Variants in CPNE4 observed in about 807,000 individuals in gnomAD.
CPNE4 encodes the protein copine-4.
CPNE4 carries 25 observed loss-of-function variants against 67.9 expected under a neutral mutation model. The ratio of observed to expected loss-of-function variants is 0.37; its 90% confidence interval spans 0.27 to 0.51. CPNE4 has a LOEUF of 0.51. CPNE4 is among the 20% of genes least tolerant of loss of function. The probability of loss-of-function intolerance (pLI) is 0.93; values close to 1 mark genes in which losing one functional copy is unlikely to be tolerated. For missense variants in CPNE4, 464 were observed against 690.8 expected, an observed-to-expected ratio of 0.67 and a Z score of 3.68; for synonymous variants, 242 against 244.9, an observed-to-expected ratio of 0.99 and a Z score of 0.11.
At chr3:131,655,655 G>A (rs975140033) in intron 7 of CPNE4, among the ~76,000 whole-genome samples, 2 of 152,108 alleles carry the variant, frequency 1.3e-5, no homozygotes, top group African/African-American at 2.4e-5. Flanking sequence ...GACGTCGGGG[G>A]GCAGGGGGGT....
intron 10 of CPNE4, among the ~76,000 whole-genome samples, chr3:131,573,540 G>C (rs1441160960): frequency 1.3e-5 from 2 of 152,070 alleles, no homozygotes; most frequent in African/African-American, 4.8e-5. Flanking sequence ...CCTGAAGGTT[G>C]AATACAGAGT....
At chr3:131,933,680 C>T (rs550943690) in intron 1 of CPNE4, among the ~76,000 whole-genome samples, 2 of 151,420 alleles carry the variant, frequency 1.3e-5, no homozygotes, top group Non-Finnish European at 2.9e-5. Flanking sequence ...TATATATACA[C>T]AATGGGATAC....
intron 10 of CPNE4, among the ~76,000 whole-genome samples, chr3:131,569,683 G>GAAGA (rs1193909995): frequency 3.5e-4 from 52 of 150,498 alleles, no homozygotes; most frequent in African/African-American, 8.0e-4. Context: ...AAGAAGAAAG[G>GAAGA]AAGAAAGAAA....
chr3:132,003,367 G>T (rs1214809640), intron 1 of CPNE4, among the ~76,000 whole-genome samples: 3 of 151,976 alleles, frequency 2.0e-5, no homozygotes, highest in Admixed American at 2.0e-4. Context: ...TAAGCTGTAG[G>T]TCTAATCAGC....
intron 1 of CPNE4, among the ~76,000 whole-genome samples, chr3:131,947,743 T>C (rs1560654151): frequency 6.6e-6 from 1 of 152,198 alleles, no homozygotes; most frequent in Non-Finnish European, 1.5e-5. Flanking sequence ...ATCCTTTGGG[T>C]ATATATCCAG....
chr3:131,601,365 C>A lies in CPNE4; in HGVS notation c.682-13783G>T, dbSNP rs1188485081. 2.0e-5 allele frequency among the ~76,000 whole-genome samples: 3 copies of A among 152,104 alleles called. No homozygotes were observed. In the East Asian group the frequency reaches 5.8e-4, roughly 29 times the overall value. On this transcript the variant is annotated intron_variant, in intron 7 of 15. Transcript: ENST00000429747. ...ATAAAAATGCAAGACAGTTTCATCC[C>A]TCAAGATGCTGATGATATAGTGCAG... is the stretch of plus-strand genomic sequence containing the variant.
At chr3:131,658,104 A>G (rs1223785929) in intron 7 of CPNE4, among the ~76,000 whole-genome samples, 6 of 151,316 alleles carry the variant, frequency 4.0e-5, no homozygotes, top group Non-Finnish European at 7.4e-5. Context: ...AGTTCTTGCC[A>G]AATTTATTTA....
chr3:131,838,926 A>G (rs2108013396), intron 2 of CPNE4, among the ~76,000 whole-genome samples: 1 of 152,000 alleles, frequency 6.6e-6, no homozygotes, highest in South Asian at 2.1e-4. Context: ...GTTTTCTTAG[A>G]CCAAATAAAA....
chr3:131,802,622 C>A (rs116585306), intron 2 of CPNE4, among the ~76,000 whole-genome samples: 5,640 of 152,250 alleles, frequency 0.037, 153 homozygotes, highest in Admixed American at 0.052. Flanking sequence ...TCACAATGCA[C>A]TGAATTTCTC....
At chr3:131,706,915 C>T (rs925554903) in intron 3 of CPNE4, among the ~76,000 whole-genome samples, 1 of 152,154 alleles carries the variant, frequency 6.6e-6, no homozygotes, top group Admixed American at 6.5e-5. Flanking sequence ...AGTTGTCTCA[C>T]CTTTCCAGAC....
intron 2 of CPNE4, among the ~76,000 whole-genome samples, chr3:131,822,275 G>T (rs1289121181): frequency 6.6e-6 from 1 of 151,988 alleles, no homozygotes; most frequent in Non-Finnish European, 1.5e-5. Flanking sequence ...TTTGAAATTT[G>T]GTTCTTTGTC....
chr3:131,873,905 A>C (rs1243709807), intron 2 of CPNE4, among the ~76,000 whole-genome samples: 1 of 152,170 alleles, frequency 6.6e-6, no homozygotes, highest in Non-Finnish European at 1.5e-5. Flanking sequence ...CTGTGGGAAG[A>C]GGAGTGGAAA....
At chr3:131,975,400 T>C (rs953877874) in intron 1 of CPNE4, among the ~76,000 whole-genome samples, 5 of 152,228 alleles carry the variant, frequency 3.3e-5, no homozygotes, top group African/African-American at 1.2e-4. Flanking sequence ...CCTAGCTGCC[T>C]AGTCCTTCTA....
At chr3:131,781,075 T>C (rs933995049) in intron 2 of CPNE4, among the ~76,000 whole-genome samples, 6 of 151,884 alleles carry the variant, frequency 4.0e-5, no homozygotes, top group Non-Finnish European at 8.8e-5. Context: ...CTAAATGTTT[T>C]AATGAGGTGG....
intron 1 of CPNE4, among the ~76,000 whole-genome samples, chr3:131,958,619 T>C (rs1352167208): frequency 0.018 from 418 of 23,124 alleles, 10 homozygotes; most frequent in African/African-American, 0.04. Context: ...CTTTTTTTTT[T>C]TTTTTTTTTT....
intron 1 of CPNE4, among the ~76,000 whole-genome samples, chr3:131,958,110 TAAG>T (rs1208135059): frequency 1.3e-5 from 2 of 152,198 alleles, no homozygotes; most frequent in Non-Finnish European, 2.9e-5. Context: ...TGTAATGTAA[TAAG>T]AAACATGACA....
chr3:131,546,485 C>A (rs771708925), intron 14 of CPNE4, among the ~76,000 whole-genome samples: 1 of 152,108 alleles, frequency 6.6e-6, no homozygotes, highest in Non-Finnish European at 1.5e-5. Flanking sequence ...AAGTTTATGA[C>A]CCTTAGAGAT....
At chr3:131,604,142 A>G (rs988645973) in intron 7 of CPNE4, among the ~76,000 whole-genome samples, 3 of 152,174 alleles carry the variant, frequency 2.0e-5, no homozygotes. Context: ...ATAATGGCTC[A>G]CTAAAGACAA....
intron 1 of CPNE4, among the ~76,000 whole-genome samples, chr3:131,952,458 T>C (rs1356123000): frequency 3.2e-5 from 3 of 94,340 alleles, no homozygotes; most frequent in African/African-American, 8.6e-5. Context: ...AGCCACCCCG[T>C]CCGGGAGGGA....
Sources: allele counts gnomAD v4.1 joint callset (sites outside exome capture counted in the v4.1 genomes callset), GRCh38; gene constraint gnomAD v4.1.1; transcripts MANE v1.5; gene names NCBI Gene and HGNC (gene_info 2026-07-23, HGNC 2026-07-21).